Variants in SEMA3A observed in about 807,000 individuals in gnomAD.
The protein encoded by SEMA3A is semaphorin-3A.
A neutral mutation model predicts 97.9 loss-of-function variants in SEMA3A; 29 were observed. That is an observed-to-expected ratio of 0.30 (90% CI 0.22 to 0.40). SEMA3A has a LOEUF of 0.40. Among genes scored for constraint, SEMA3A ranks in the 10% least tolerant of loss-of-function variants. The pLI is 1.00. For missense variants in SEMA3A, 763 were observed against 951.3 expected (o/e 0.80, Z 2.60); for synonymous variants, 321 against 323.7 (o/e 0.99, Z 0.09).
At chr7:84,448,245 G>A (rs541187604) in intron 1 of SEMA3A, among the ~76,000 whole-genome samples, 1 of 152,156 alleles carries the variant, frequency 6.6e-6, no homozygotes. Context: ...CTGGCGAAGT[G>A]ACACCCCAAT....
intron 6 of SEMA3A, among the ~76,000 whole-genome samples, chr7:84,031,145 A>G (rs1253708040): frequency 6.6e-6 from 1 of 151,832 alleles, no homozygotes; most frequent in Non-Finnish European, 1.5e-5. Context: ...GGTGTGTGCC[A>G]CCACGCCTCG....
Position 84,365,141 on chromosome 7 carries a change from G to A in SEMA3A, c.-169+6683C>T, listed in dbSNP as rs985014292. On this transcript the variant is annotated intron_variant, in intron 2 of 3. Transcript: ENST00000424555. ...TTCAATCCTGTAGGGAGAATTGAGG[G>A]GTGTTTGGGTGGGGTTTATGCCACA... Among the ~76,000 whole-genome samples the A allele has an allele frequency of 2.0e-5, 3 of 151,592 alleles. No individual in the cohort carries two copies. In the East Asian group the frequency reaches 5.8e-4, roughly 29 times the overall value.
At chr7:84,321,340 A>C (rs1326590658) in intron 2 of SEMA3A, among the ~76,000 whole-genome samples, 2 of 152,212 alleles carry the variant, frequency 1.3e-5, no homozygotes, top group Admixed American at 1.3e-4. Flanking sequence ...ATGAACTATA[A>C]TTATCACTAA....
At chr7:83,991,129 T>C (rs929669823) in intron 12 of SEMA3A, among the ~76,000 whole-genome samples, 1 of 150,436 alleles carries the variant, frequency 6.6e-6, no homozygotes. Flanking sequence ...TTGTCTGTTG[T>C]TGGTGTATAA....
intron 1 of SEMA3A, among the ~76,000 whole-genome samples, chr7:84,420,436 A>T (rs888657792): frequency 1.2e-4 from 18 of 152,088 alleles, no homozygotes; most frequent in African/African-American, 4.3e-4. Context: ...AGAGTGCTCA[A>T]TAGGAGATTT....
chr7:84,328,598 A>C (rs977691282), intron 2 of SEMA3A, among the ~76,000 whole-genome samples: 30 of 152,074 alleles, frequency 2.0e-4, no homozygotes, highest in African/African-American at 5.5e-4. Context: ...GAATCAGTCG[A>C]TTATAACTGA....
rs1214050244 is a variant in SEMA3A at position 84,313,342 on chromosome 7, GTATA to G, written c.-168-6054_-168-6051del. Among the ~76,000 whole-genome samples the G allele has an allele frequency of 1.1e-3, 64 of 60,892 alleles. 1 individual carries two copies. The highest frequency in any genetic ancestry group is 8.2e-3 in the Middle Eastern group (1 of 122). The allele number at this position is 60,892 out of a possible 152,430, so 39.9% of individuals were successfully genotyped here. ...GTGTATATAATACATATATATATAT[GTATA>G]TGTGTGTGTGTATATATATATATAT... is the stretch of plus-strand genomic sequence containing the variant. On this transcript the variant is annotated intron_variant, in intron 2 of 3. Coordinates refer to the SEMA3A transcript ENST00000424555.
At chr7:84,245,550 C>T (rs537118841) in intron 3 of SEMA3A, among the ~76,000 whole-genome samples, 19 of 151,552 alleles carry the variant, frequency 1.3e-4, no homozygotes, top group African/African-American at 4.1e-4. Context: ...TTCTTTAGCT[C>T]AGAGGAGTTC....
chr7:84,194,398 T>C (rs1163617120), intron 1 of SEMA3A, 77 bp downstream of exon 1: 2 of 883,522 alleles, frequency 2.3e-6, no homozygotes, highest in South Asian at 1.5e-5. Flanking sequence ...TGATTTGGGG[T>C]TGGGAGGGAG....
intron 3 of SEMA3A, among the ~76,000 whole-genome samples, chr7:84,111,590 C>T (rs926839503): frequency 6.6e-6 from 1 of 152,098 alleles, no homozygotes; most frequent in African/African-American, 2.4e-5. Flanking sequence ...AGGATGAAAC[C>T]TGATGATGAC....
chr7:83,980,714 C>A (rs1016241078), intron 14 of SEMA3A, among the ~76,000 whole-genome samples: 1 of 148,228 alleles, frequency 6.7e-6, no homozygotes, highest in Admixed American at 6.8e-5. Context: ...TGCATATGCA[C>A]AGATAGATAT....
chr7:84,275,848 T>C (rs1294575736), intron 3 of SEMA3A, among the ~76,000 whole-genome samples: 2 of 152,130 alleles, frequency 1.3e-5, no homozygotes, highest in Non-Finnish European at 2.9e-5. Flanking sequence ...TTTGATTACA[T>C]GTTGAAATAA....
chr7:83,961,815 A>T lies in SEMA3A; in HGVS notation c.1872T>A (p.Asp624Glu), dbSNP rs376347250. The change falls in exon 17 of 17, where the codon GAT (aspartate) becomes GAA (glutamate). Residue 624 changes from aspartate to glutamate, a missense_variant. Physicochemically the swap from Asp to Glu is conservative, Grantham distance 45. Transcript: ENST00000265362. ...CTTGATCTGTCCTGATGATATGATC[A>T]TCCACTCTGATCTAGCAGGTTAAAA... The part of the protein sequence containing the change: ...NEERKEEIRV[D>E]DHIIRTDQGL... The T allele has an allele frequency of 2.5e-6, 4 of 1,612,638 alleles. No individual in the cohort carries two copies. In the East Asian group the frequency reaches 8.9e-5, roughly 36 times the overall value.
In SEMA3A at chr7:84,128,334, GA is replaced by G. The variant is rs762920730; in HGVS notation, c.333+788del. On this transcript the variant is annotated intron_variant, in intron 3 of 16. Coordinates refer to ENST00000265362, the MANE Select transcript of SEMA3A (RefSeq NM_006080.3). ...AAGAAAAGGAAAGAGGAGATAAAAG[GA>G]AAAAAATGGGAAGAAGAAAAGATAC... Among the ~76,000 whole-genome samples the G allele has an allele frequency of 4.0e-5, 6 of 151,650 alleles. No homozygotes were observed. In the East Asian group the frequency reaches 9.7e-4, roughly 24 times the overall value.
chr7:84,230,564 T>C (rs551242711), intron 3 of SEMA3A, among the ~76,000 whole-genome samples: 14 of 152,110 alleles, frequency 9.2e-5, no homozygotes, highest in Admixed American at 3.3e-4. Flanking sequence ...CTTTCAGTTA[T>C]GTTAGCTCAT....
At chr7:84,388,749 T>C (rs1428976374) in intron 1 of SEMA3A, among the ~76,000 whole-genome samples, 1 of 152,030 alleles carries the variant, frequency 6.6e-6, no homozygotes, top group Non-Finnish European at 1.5e-5. Context: ...TTAGAGGAGA[T>C]ATGGTATTTA....
chr7:84,003,007 T>G (rs1401018386), intron 11 of SEMA3A, among the ~76,000 whole-genome samples: 2 of 152,172 alleles, frequency 1.3e-5, no homozygotes, highest in African/African-American at 4.8e-5. Context: ...CTTCTAGTTC[T>G]GACTAAACTT....
chr7:84,235,553 A>G (rs1799217622), intron 3 of SEMA3A, among the ~76,000 whole-genome samples: 1 of 152,096 alleles, frequency 6.6e-6, no homozygotes, highest in Non-Finnish European at 1.5e-5. Context: ...TTATTGGAAT[A>G]AGAAAAATGA....
intron 9 of SEMA3A, among the ~76,000 whole-genome samples, chr7:84,008,547 A>T (rs1467091610): frequency 6.6e-6 from 1 of 152,108 alleles, no homozygotes; most frequent in African/African-American, 2.4e-5. Flanking sequence ...GCTTATAGAA[A>T]TGTGGCTTGA....
Sources: gnomAD v4.1 joint callset for allele counts (sites outside exome capture counted in the v4.1 genomes callset) on GRCh38, gnomAD v4.1.1 for gene constraint, MANE v1.5 for transcripts, NCBI Gene and HGNC (gene_info 2026-07-23, HGNC 2026-07-21) for gene names.